Variants in JDP2 observed in about 807,000 individuals in gnomAD.
The protein encoded by JDP2 is progesterone receptor co-activator.
JDP2 carries 9 observed loss-of-function variants against 17.1 expected under a neutral mutation model. The ratio of observed to expected loss-of-function variants is 0.53; its 90% confidence interval spans 0.32 to 0.92. The LOEUF is 0.92. Ranked by LOEUF, JDP2 falls within the 40% of genes least tolerant of loss-of-function variation. The pLI, the probability that JDP2 is intolerant of heterozygous loss-of-function variation, is 0.04. For synonymous variants in JDP2, 107 were observed against 95.6 expected (o/e 1.12, Z -0.69); for missense variants, 179 against 220.0 (o/e 0.81, Z 1.18).
At chr14:75,433,063 C>G (rs539259325) in intron 1 of JDP2, among the ~76,000 whole-genome samples, 1 of 151,284 alleles carries the variant, frequency 6.6e-6, no homozygotes, top group Non-Finnish European at 1.5e-5. Context: ...GGCATGGTGG[C>G]GCATGCCTGT....
At chr14:75,432,303 TTGG>T in intron 1 of JDP2, 5 of 1,551,458 alleles carry the variant, frequency 3.2e-6, no homozygotes, top group Non-Finnish European at 4.4e-6. Flanking sequence ...AAGAAGAGGC[TTGG>T]TGGTTGATTC....
intron 2 of JDP2, among the ~76,000 whole-genome samples, chr14:75,458,098 C>T (rs997360081): frequency 6.6e-6 from 1 of 152,168 alleles, no homozygotes; most frequent in Non-Finnish European, 1.5e-5. Flanking sequence ...CCACACAAAC[C>T]GACGCTTGTG....
At chr14:75,431,710 C>G (rs1263808341) in intron 1 of JDP2, among the ~76,000 whole-genome samples, 1 of 152,166 alleles carries the variant, frequency 6.6e-6, no homozygotes, top group African/African-American at 2.4e-5. Flanking sequence ...ATGGTCCTGC[C>G]CCCTTGGGGT....
chr14:75,444,561 G>A (rs1209664130), intron 2 of JDP2, among the ~76,000 whole-genome samples: 2 of 152,164 alleles, frequency 1.3e-5, no homozygotes, highest in African/African-American at 4.8e-5. Flanking sequence ...AAGTTAGCTC[G>A]TTTCCTCATC....
At chr14:75,441,510 C>T (rs1885351622) in intron 2 of JDP2, among the ~76,000 whole-genome samples, 1 of 152,258 alleles carries the variant, frequency 6.6e-6, no homozygotes, top group Non-Finnish European at 1.5e-5. Flanking sequence ...TTACATCTCT[C>T]GGCACCGTAT....
rs149543959 is a variant in JDP2 at position 75,438,831 on chromosome 14, C to T, written c.201+710C>T. ...GGCACTGGTGAGCAGCAGCAGTCCC[C>T]GGCATGGCTGAGGATCTGTGCAGGG... On this transcript the variant is annotated intron_variant, in intron 2 of 3. Coordinates refer to ENST00000651602, the MANE Select transcript of JDP2 (RefSeq NM_001135048.2). Among the ~76,000 whole-genome samples, 618 of 152,380 alleles carry T rather than the reference C, an allele frequency of 4.1e-3. 3 individuals are homozygous for T. Among genetic ancestry groups the T allele is most frequent in the South Asian group, 0.025 (119 of 4,830 alleles).
intron 1 of JDP2, chr14:75,432,222 T>C: frequency 8.3e-7 from 1 of 1,199,910 alleles, no homozygotes; most frequent in Non-Finnish European, 1.2e-6. Context: ...TCTCCTCGAC[T>C]TTTGGAAGCC....
intron 2 of JDP2, among the ~76,000 whole-genome samples, chr14:75,448,192 G>A (rs367830428): frequency 3.3e-5 from 5 of 152,092 alleles, no homozygotes; most frequent in East Asian, 1.9e-4. Flanking sequence ...AATATATACC[G>A]CCTTAACCTG....
rs1364368440 is a variant in JDP2 at position 75,469,588 on chromosome 14, A to G, written c.*113A>G. 1.7e-5 allele frequency: 15 copies of G among 899,398 alleles called. No homozygotes were observed. Among genetic ancestry groups the G allele is most frequent in the Admixed American group, 1.1e-4 (4 of 36,014 alleles). 55.7% of individuals were successfully genotyped at this position (899,398 alleles called of 1,614,324 possible). On this transcript the variant is annotated 3_prime_UTR_variant, in exon 4 of 4. Coordinates refer to ENST00000651602, the MANE Select transcript of JDP2 (RefSeq NM_001135048.2). ...CCTTTGGTGCATGAAAAACTGTACAATGAGGTTCAGCACAGCCAGCATCAG... is the reference window on the plus strand; with the variant it reads ...CCTTTGGTGCATGAAAAACTGTACAGTGAGGTTCAGCACAGCCAGCATCAG...
At chr14:75,444,544 C>T (rs1037900846) in intron 2 of JDP2, among the ~76,000 whole-genome samples, 6 of 152,186 alleles carry the variant, frequency 3.9e-5, no homozygotes, top group Non-Finnish European at 8.8e-5. Flanking sequence ...CCAGCACAAC[C>T]TTGGGAAAGT....
At chr14:75,434,806 T>C (rs1385582180) in intron 1 of JDP2, among the ~76,000 whole-genome samples, 1 of 152,116 alleles carries the variant, frequency 6.6e-6, no homozygotes, top group African/African-American at 2.4e-5. Flanking sequence ...ATGAATAACT[T>C]GGAGGTGAAA....
intron 2 of JDP2, among the ~76,000 whole-genome samples, chr14:75,453,967 C>G (rs1259610242): frequency 6.6e-6 from 1 of 152,066 alleles, no homozygotes; most frequent in Non-Finnish European, 1.5e-5. Flanking sequence ...TTTTCAGCGC[C>G]TTGGGTTGAG....
At chr14:75,445,629 C>T in intron 2 of JDP2, 1 of 973,776 alleles carries the variant, frequency 1.0e-6, no homozygotes, top group Non-Finnish European at 1.2e-6. Context: ...GGAAATAGAC[C>T]CCTACCTAGT....
intron 2 of JDP2, among the ~76,000 whole-genome samples, chr14:75,452,461 G>A (rs1187684936): frequency 6.6e-6 from 1 of 152,160 alleles, no homozygotes; most frequent in Non-Finnish European, 1.5e-5. Context: ...CACAGAGCAG[G>A]GCACTGTGGT....
intron 2 of JDP2, 26 bp downstream of exon 2, chr14:75,438,147 G>C: frequency 6.4e-7 from 1 of 1,557,630 alleles, no homozygotes; most frequent in Non-Finnish European, 8.7e-7. Context: ...ACCCCTGGCA[G>C]ATTCCAGGTC....
At position 75,438,041 on chromosome 14, in the gene JDP2, C is replaced by T. The variant is rs1390634082; in HGVS notation, c.121C>T (p.Arg41Cys). The change falls in exon 2 of 4, where the codon CGC (arginine) becomes TGC (cysteine). Residue 41 changes from arginine to cysteine, a missense_variant. Physicochemically the swap from Arg to Cys is radical, Grantham distance 180 (BLOSUM62 -3). Transcript: ENST00000651602. ...TVEELKYADI[R>C]NLGAMIAPLH... The stretch of plus-strand genomic sequence containing the variant: ...GGAGGAGCTGAAATACGCTGACATC[C>T]GCAACCTCGGGGCCATGATTGCACC... 1.3e-5 allele frequency: 21 copies of T among 1,613,994 alleles called. No homozygotes were observed. Among genetic ancestry groups the T allele is most frequent in the South Asian group, 6.6e-5 (6 of 91,010 alleles).
At chr14:75,445,578 C>T in intron 2 of JDP2, 3 of 985,406 alleles carry the variant, frequency 3.0e-6, no homozygotes, top group Non-Finnish European at 3.6e-6. Flanking sequence ...GGAGAGTTCA[C>T]TAGATGTTTG....
chr14:75,458,412 A>T (rs1886209290), intron 2 of JDP2, among the ~76,000 whole-genome samples: 2 of 152,262 alleles, frequency 1.3e-5, no homozygotes, highest in Non-Finnish European at 2.9e-5. Flanking sequence ...ATTAGTGAGA[A>T]CATGCCGTAT....
At chr14:75,443,379 G>A (rs1885447296) in intron 2 of JDP2, among the ~76,000 whole-genome samples, 1 of 152,154 alleles carries the variant, frequency 6.6e-6, no homozygotes, top group Non-Finnish European at 1.5e-5. Flanking sequence ...GTTTTTAATT[G>A]TGGCTCTTTG....
Sources: allele counts gnomAD v4.1 joint callset (sites outside exome capture counted in the v4.1 genomes callset), GRCh38; gene constraint gnomAD v4.1.1; transcripts MANE v1.5; gene names NCBI Gene and HGNC (gene_info 2026-07-23, HGNC 2026-07-21).